DLC1: variants seen among roughly 807,000 people sequenced by gnomAD.
DLC1 encodes the protein DLC1 Rho GTPase activating protein, also known as rho GTPase-activating protein 7.
A neutral mutation model predicts 140.3 loss-of-function variants in DLC1; 54 were observed. The ratio of observed to expected loss-of-function variants is 0.38; its 90% confidence interval spans 0.31 to 0.48. DLC1 has a LOEUF of 0.48. Ranked by LOEUF, DLC1 falls within the 20% of genes least tolerant of loss-of-function variation. DLC1 has a pLI of 0.96. For missense variants in DLC1, 2,536 were observed against 1,907.0 expected, an observed-to-expected ratio of 1.33 and a Z score of -6.14; for synonymous variants, 986 against 728.1, an observed-to-expected ratio of 1.35 and a Z score of -5.70.
chr8:13,428,123 T>A (rs58306100), intron 2 of DLC1, among the ~76,000 whole-genome samples: 8,841 of 152,176 alleles, frequency 0.058, 289 homozygotes, highest in Middle Eastern at 0.095. Flanking sequence ...TCCAGGCTTT[T>A]GTATGGGCGT....
chr8:13,421,687 T>C (rs1838328584), intron 2 of DLC1, among the ~76,000 whole-genome samples: 1 of 152,136 alleles, frequency 6.6e-6, no homozygotes, highest in Non-Finnish European at 1.5e-5. Context: ...ATTTGAAAAA[T>C]AGCCTTTTGC....
chr8:13,104,443 A>G (rs945384870), intron 7 of DLC1, among the ~76,000 whole-genome samples: 1 of 152,130 alleles, frequency 6.6e-6, no homozygotes, highest in Admixed American at 6.6e-5. Flanking sequence ...GGTATGTACA[A>G]CTATGAATGA....
chr8:13,163,799 G>A (rs1479052295), intron 5 of DLC1, among the ~76,000 whole-genome samples: 1 of 151,828 alleles, frequency 6.6e-6, no homozygotes, highest in Admixed American at 6.6e-5. Context: ...AGACCTCTAT[G>A]TCTACAAACA....
At chr8:13,496,285 C>T (rs1801495606) in intron 2 of DLC1, among the ~76,000 whole-genome samples, 1 of 152,106 alleles carries the variant, frequency 6.6e-6, no homozygotes, top group South Asian at 2.1e-4. Context: ...AAAGCAGAAT[C>T]ATAATAATAA....
intron 5 of DLC1, among the ~76,000 whole-genome samples, chr8:13,164,578 A>C (rs992147401): frequency 1.5e-4 from 23 of 152,062 alleles, no homozygotes; most frequent in African/African-American, 5.3e-4. Context: ...TATCTATATG[A>C]GCATATCAAC....
chr8:13,338,890 C>T (rs1235196461), intron 4 of DLC1: 1 of 152,142 alleles, frequency 6.6e-6, no homozygotes, highest in Non-Finnish European at 1.5e-5. Context: ...TTGTCAGAAA[C>T]ATCGATAATT....
chr8:13,326,996 C>T (rs568358316), intron 4 of DLC1, among the ~76,000 whole-genome samples: 1 of 152,144 alleles, frequency 6.6e-6, no homozygotes, highest in East Asian at 1.9e-4. Context: ...GCTCTGTTGC[C>T]CAGGCTGGAG....
At chr8:13,113,299 G>A (rs1259089275) in intron 6 of DLC1, among the ~76,000 whole-genome samples, 1 of 152,136 alleles carries the variant, frequency 6.6e-6, no homozygotes, top group Non-Finnish European at 1.5e-5. Flanking sequence ...TGTGTGGGTT[G>A]GTATGGGGTG....
rs1836835507 is a variant in DLC1, at chr8:13,393,032, C to G, written c.1314+521G>C. On this transcript the variant is annotated intron_variant, in intron 4 of 17. Transcript: ENST00000276297. ...AAACCTATTATCTATCTATGTCTGTCTATATCAATCTAAATATATTTATAT... is the reference window on the plus strand; with the variant it reads ...AAACCTATTATCTATCTATGTCTGTGTATATCAATCTAAATATATTTATAT... Among the ~76,000 whole-genome samples, 3 of 152,104 alleles carry G rather than the reference C, an allele frequency of 2.0e-5. 1 individual carries two copies. The highest frequency in any genetic ancestry group is 4.1e-4 in the South Asian group (2 of 4,826).
At chr8:13,188,417 C>G (rs1585870656) in intron 5 of DLC1, among the ~76,000 whole-genome samples, 1 of 22,992 alleles carries the variant, frequency 4.3e-5, no homozygotes, top group African/African-American at 1.8e-4. Flanking sequence ...AAGACTCCGT[C>G]TCAAAAAAAA....
chr8:13,246,122 C>CT (rs1473270238), intron 5 of DLC1, among the ~76,000 whole-genome samples: 3 of 152,092 alleles, frequency 2.0e-5, no homozygotes, highest in Non-Finnish European at 4.4e-5. Flanking sequence ...ATGGGGCTGA[C>CT]TTAGAGAGTC....
chr8:13,375,027 ATTTT>A (rs35721536), intron 4 of DLC1, among the ~76,000 whole-genome samples: 1 of 134,082 alleles, frequency 7.5e-6, no homozygotes. Flanking sequence ...AATGCTTGTG[ATTTT>A]TTTTTTTTTT....
chr8:13,493,544 T>C (rs564658398), intron 2 of DLC1, among the ~76,000 whole-genome samples: 7 of 152,326 alleles, frequency 4.6e-5, no homozygotes, highest in Admixed American at 4.6e-4. Context: ...ATTGATCATG[T>C]CTGAGAACAT....
chr8:13,441,383 A>G (rs1377634999), intron 2 of DLC1, among the ~76,000 whole-genome samples: 1 of 152,228 alleles, frequency 6.6e-6, no homozygotes, highest in Non-Finnish European at 1.5e-5. Flanking sequence ...AGAAGGAAAT[A>G]AAGGGTATTC....
intron 1 of DLC1, among the ~76,000 whole-genome samples, chr8:13,526,431 C>G (rs1207732066): frequency 6.6e-6 from 1 of 152,054 alleles, no homozygotes; most frequent in African/African-American, 2.4e-5. Context: ...GTCTTCTATT[C>G]CATGAGCATA....
intron 2 of DLC1, among the ~76,000 whole-genome samples, chr8:13,470,581 T>C (rs142354072): frequency 9.7e-4 from 147 of 152,272 alleles, no homozygotes; most frequent in African/African-American, 3.3e-3. Flanking sequence ...ACCCCACACC[T>C]GTTGGGATGG....
intron 4 of DLC1, among the ~76,000 whole-genome samples, chr8:13,388,760 A>G (rs761133081): frequency 6.6e-6 from 1 of 152,176 alleles, no homozygotes; most frequent in Non-Finnish European, 1.5e-5. Context: ...ACATTCATTC[A>G]TACACATACA....
At chr8:13,224,864 C>T (rs1008938645) in intron 5 of DLC1, among the ~76,000 whole-genome samples, 2 of 152,134 alleles carry the variant, frequency 1.3e-5, no homozygotes, top group South Asian at 2.1e-4. Flanking sequence ...TTATGCACCA[C>T]GTTAGTTAAC....
At chr8:13,579,797 G>T (rs1805017256) in intron 1 of DLC1, among the ~76,000 whole-genome samples, 1 of 151,632 alleles carries the variant, frequency 6.6e-6, no homozygotes, top group South Asian at 2.1e-4. Context: ...ACTGCTTTTA[G>T]AAGTGTGGCC....
Sources: allele counts gnomAD v4.1 joint callset (sites outside exome capture counted in the v4.1 genomes callset), GRCh38; gene constraint gnomAD v4.1.1; transcripts MANE v1.5; gene names NCBI Gene and HGNC (gene_info 2026-07-23, HGNC 2026-07-21).